MTHFD1L: variants seen among roughly 807,000 people sequenced by gnomAD.
The protein encoded by MTHFD1L is methylenetetrahydrofolate dehydrogenase (NADP+ dependent) 1 like, also known as monofunctional C1-tetrahydrofolate synthase, mitochondrial.
A neutral mutation model predicts 119.5 loss-of-function variants in MTHFD1L; 81 were observed. That is an observed-to-expected ratio of 0.68 (90% CI 0.57 to 0.82). The LOEUF is 0.82. Ranked by LOEUF, MTHFD1L falls within the 40% of genes least tolerant of loss-of-function variation. MTHFD1L has a pLI of 0.00. For missense variants in MTHFD1L, 1,125 were observed against 1,253.4 expected (o/e 0.90, Z 1.55); for synonymous variants, 430 against 475.2 (o/e 0.90, Z 1.24).
intron 7 of MTHFD1L, among the ~76,000 whole-genome samples, chr6:150,897,915 G>A (rs948344697): frequency 6.6e-6 from 1 of 152,226 alleles, no homozygotes; most frequent in African/African-American, 2.4e-5. Flanking sequence ...TGCAATCTCA[G>A]CTCACCGCAG....
chr6:151,021,768 G>A (rs138025558), intron 24 of MTHFD1L, among the ~76,000 whole-genome samples: 54 of 152,324 alleles, frequency 3.5e-4, no homozygotes, highest in African/African-American at 9.6e-4. Context: ...CCAAGACACT[G>A]ACGTTTTTCC....
At chr6:150,866,314 G>T (rs980798605) in intron 1 of MTHFD1L, 3 of 1,463,822 alleles carry the variant, frequency 2.0e-6, no homozygotes, top group Non-Finnish European at 2.7e-6. Context: ...CTAGCGGCAT[G>T]GACCGCACGC....
rs187602084 is a variant in MTHFD1L, at chr6:150,946,932, G to C, written c.1623+1391G>C. ...CTACTAAAAATACAAAAAATTAGCC[G>C]GGCGTGGTGGCAGGCGCCTGTAGTC... On this transcript the variant is annotated intron_variant, in intron 15 of 27. Coordinates refer to ENST00000367321, the MANE Select transcript of MTHFD1L (RefSeq NM_015440.5). Among the ~76,000 whole-genome samples, 18 of 151,434 alleles carry C rather than the reference G, an allele frequency of 1.2e-4. No individual in the cohort carries two copies. In the East Asian group the frequency reaches 3.6e-3, roughly 30 times the overall value.
intron 27 of MTHFD1L, chr6:151,100,015 G>C: frequency 6.7e-4 from 413 of 614,638 alleles, no homozygotes; most frequent in Non-Finnish European, 9.6e-4. Flanking sequence ...AGAAAAGAAA[G>C]AAATATTTTC....
chr6:150,939,683 C>CTTTTTTTTT (rs751835547), intron 13 of MTHFD1L, among the ~76,000 whole-genome samples: 4,041 of 107,840 alleles, frequency 0.037, 331 homozygotes, highest in African/African-American at 0.092. Flanking sequence ...CTTGCAGACT[C>CTTTTTTTTT]TTTTTTTTTT....
At position 150,938,660 on chromosome 6, in the gene MTHFD1L, T is replaced by G. The variant is rs773120449; in HGVS notation, c.1394-39T>G. On this transcript the variant is annotated intron_variant, in intron 12 of 27. Transcript: ENST00000367321. ...CTGTGTCCATCGTGGCAGCTGTACTTGGTGACCCGTTTGAAATGCCTCTTG... is the reference window on the plus strand; with the variant it reads ...CTGTGTCCATCGTGGCAGCTGTACTGGGTGACCCGTTTGAAATGCCTCTTG... The G allele has an allele frequency of 6.3e-6, 10 of 1,595,756 alleles. No individual in the cohort carries two copies. The African/African-American group carries it at 1.3e-4, about 21-fold the overall frequency.
At chr6:150,947,184 G>A (rs1449250304) in intron 15 of MTHFD1L, among the ~76,000 whole-genome samples, 5 of 150,824 alleles carry the variant, frequency 3.3e-5, no homozygotes, top group Admixed American at 6.6e-5. Context: ...TGCAACCTCC[G>A]CCTCCTAGGT....
intron 1 of MTHFD1L, among the ~76,000 whole-genome samples, chr6:150,867,317 G>T (rs547057113): frequency 6.6e-6 from 1 of 152,266 alleles, no homozygotes; most frequent in Non-Finnish European, 1.5e-5. Flanking sequence ...TTAGCCTCCA[G>T]TGTAACTGGG....
At chr6:151,098,133 C>T (rs1795044585) in intron 27 of MTHFD1L, among the ~76,000 whole-genome samples, 2 of 152,108 alleles carry the variant, frequency 1.3e-5, no homozygotes, top group African/African-American at 2.4e-5. Flanking sequence ...GAGATCATGC[C>T]ACTGCACTCT....
intron 26 of MTHFD1L, among the ~76,000 whole-genome samples, chr6:151,038,461 A>G (rs1160404596): frequency 1.3e-5 from 2 of 152,166 alleles, no homozygotes; most frequent in Non-Finnish European, 2.9e-5. Flanking sequence ...ATAGCAGGAC[A>G]GGGTCACATG....
intron 24 of MTHFD1L, among the ~76,000 whole-genome samples, chr6:151,025,586 A>T (rs949387996): frequency 6.6e-6 from 1 of 152,232 alleles, no homozygotes; most frequent in Non-Finnish European, 1.5e-5. Flanking sequence ...TATTCAACTT[A>T]CAAGTTTATT....
chr6:150,907,011 GAA>G (rs1291978601), intron 8 of MTHFD1L, among the ~76,000 whole-genome samples: 1 of 127,248 alleles, frequency 7.9e-6, no homozygotes. Context: ...TTTTTCCCCT[GAA>G]AAAAAAAAAA....
chr6:150,947,073 T>C (rs1368123836), intron 15 of MTHFD1L, among the ~76,000 whole-genome samples: 1 of 124,862 alleles, frequency 8.0e-6, no homozygotes, highest in Non-Finnish European at 1.8e-5. Context: ...AGACTCCATC[T>C]CAAAAAAGAA....
rs181559495 is a variant in MTHFD1L, at chr6:150,947,825, G to C, written c.1624-1206G>C. 2.6e-3 allele frequency among the ~76,000 whole-genome samples: 401 copies of C among 152,284 alleles called. 1 individual carries two copies. Among genetic ancestry groups the C allele is most frequent in the African/African-American group, 9.2e-3 (384 of 41,566 alleles). On this transcript the variant is annotated intron_variant, in intron 15 of 27. Transcript: ENST00000367321. ...CTAACGCAGCCAGCAGCAGGCACAA[G>C]TGGTAGTTAGCTGTATGCTGTCCAC...
At chr6:150,898,602 C>T (rs1784626795) in intron 7 of MTHFD1L, among the ~76,000 whole-genome samples, 1 of 152,152 alleles carries the variant, frequency 6.6e-6, no homozygotes, top group South Asian at 2.1e-4. Context: ...GAGCATAAAT[C>T]CTCGGGGCTG....
intron 19 of MTHFD1L, among the ~76,000 whole-genome samples, chr6:150,971,258 G>A (rs1487357186): frequency 6.6e-6 from 1 of 151,930 alleles, no homozygotes; most frequent in Non-Finnish European, 1.5e-5. Context: ...GTGCAGTGGT[G>A]CGATCTCAGC....
At chr6:150,881,885 T>G (rs1583350297) in intron 4 of MTHFD1L, among the ~76,000 whole-genome samples, 1 of 152,258 alleles carries the variant, frequency 6.6e-6, no homozygotes, top group African/African-American at 2.4e-5. Context: ...TCAAATGGTT[T>G]CCCCTGCCAC....
At chr6:150,993,574 A>C (rs796094208) in intron 20 of MTHFD1L, among the ~76,000 whole-genome samples, 1 of 152,092 alleles carries the variant, frequency 6.6e-6, no homozygotes, top group Non-Finnish European at 1.5e-5. Context: ...GGCCTCCTTA[A>C]GGGCTGGGAT....
chr6:150,991,480 G>A (rs1190657495), intron 20 of MTHFD1L, among the ~76,000 whole-genome samples: 4 of 152,146 alleles, frequency 2.6e-5, no homozygotes, highest in Non-Finnish European at 5.9e-5. Context: ...GGAGGTAATG[G>A]AATCATGGTG....
Sources: allele counts gnomAD v4.1 joint callset (sites outside exome capture counted in the v4.1 genomes callset), GRCh38; gene constraint gnomAD v4.1.1; transcripts MANE v1.5; gene names NCBI Gene and HGNC (gene_info 2026-07-23, HGNC 2026-07-21).